The following RBFOX1 variants were observed in gnomAD, a reference collection of about 807,000 sequenced individuals.
RBFOX1 encodes RNA binding protein fox-1 homolog 1.
In RBFOX1, 8 loss-of-function variants were observed where a neutral mutation model predicts 57.7. The observed-to-expected ratio is 0.14, with a 90% CI of 0.08 to 0.25. The LOEUF (loss-of-function observed/expected upper bound fraction) is 0.25. RBFOX1 is among the 10% of genes least tolerant of loss of function. The pLI, the probability that RBFOX1 is intolerant of heterozygous loss-of-function variation, is 1.00. For synonymous variants in RBFOX1, 326 were observed against 222.4 expected (o/e 1.47, Z -4.15); for missense variants, 611 against 548.5 (o/e 1.11, Z -1.14).
chr16:6,798,668 AT>A (rs2084662212), intron 3 of RBFOX1, among the ~76,000 whole-genome samples: 1 of 152,190 alleles, frequency 6.6e-6, no homozygotes, highest in African/African-American at 2.4e-5. Context: ...TTTGGCTTTA[AT>A]TTTGTGCTTT....
intron 4 of RBFOX1, among the ~76,000 whole-genome samples, chr16:7,283,562 C>A (rs1211596580): frequency 6.6e-6 from 1 of 152,068 alleles, no homozygotes; most frequent in Non-Finnish European, 1.5e-5. Context: ...ACACCCTTGA[C>A]ATTCTGTATC....
chr16:7,687,617 TAAC>T (rs141242502), intron 14 of RBFOX1, among the ~76,000 whole-genome samples: 2,308 of 152,126 alleles, frequency 0.015, 44 homozygotes, highest in African/African-American at 0.052. Context: ...CTAGCAATTT[TAAC>T]AACAAGAATA....
chr16:7,519,785 T>G, intron 5 of RBFOX1: 2 of 893,494 alleles, frequency 2.2e-6, no homozygotes, highest in South Asian at 1.0e-4. Flanking sequence ...GTTTATGGCT[T>G]TGAAGCATGA....
chr16:7,218,651 T>C (rs34203803), intron 4 of RBFOX1, among the ~76,000 whole-genome samples: 62 of 85,116 alleles, frequency 7.3e-4, no homozygotes, highest in East Asian at 1.3e-3. Context: ...TGTGTGTGTG[T>C]GTGTGTGTGT....
chr16:5,424,048 C>G (rs942609347), intron 1 of RBFOX1, among the ~76,000 whole-genome samples: 2 of 152,306 alleles, frequency 1.3e-5, no homozygotes, highest in South Asian at 2.1e-4. Context: ...CTAGGGACCC[C>G]TCGTGTTTCC....
Position 7,391,225 on chromosome 16 carries a change from G to A in RBFOX1, c.28-126922G>A, listed in dbSNP as rs1389243983. On this transcript the variant is annotated intron_variant, in intron 4 of 15. Transcript: ENST00000550418. ...TCCCACCTTGGTGTTAATCCCATGG[G>A]GTGGATTTTCTAGGCCAGTCTCTTT... 2.0e-5 allele frequency among the ~76,000 whole-genome samples: 3 copies of A among 152,122 alleles called. No individual in the cohort carries two copies. In the South Asian group the frequency reaches 6.2e-4, roughly 32 times the overall value.
intron 4 of RBFOX1, among the ~76,000 whole-genome samples, chr16:7,397,916 G>T (rs1201313936): frequency 6.6e-6 from 1 of 151,640 alleles, no homozygotes; most frequent in South Asian, 2.1e-4. Flanking sequence ...GATTTTTTAG[G>T]CCCTACTTGG....
intron 4 of RBFOX1, among the ~76,000 whole-genome samples, chr16:7,440,814 C>T (rs1327073672): frequency 6.6e-6 from 1 of 152,092 alleles, no homozygotes; most frequent in Non-Finnish European, 1.5e-5. Context: ...ATTTAGCAGC[C>T]CTCAAGGGGG....
chr16:6,365,147 A>G (rs1039552869), intron 2 of RBFOX1, among the ~76,000 whole-genome samples: 2 of 152,218 alleles, frequency 1.3e-5, no homozygotes, highest in Admixed American at 6.5e-5. Context: ...TGGGAGTGCT[A>G]TCAGAATAGC....
chr16:6,049,412 C>G (rs1405715296), intron 1 of RBFOX1, among the ~76,000 whole-genome samples: 1 of 152,094 alleles, frequency 6.6e-6, no homozygotes, highest in Non-Finnish European at 1.5e-5. Context: ...TTGAATCACC[C>G]AGATTAAATA....
At position 7,124,105 on chromosome 16, in the gene RBFOX1, A is replaced by T. The variant is rs564580152; in HGVS notation, c.27+72007A>T. ...CAAATGCCCAGTGTTTTATACTTTT[A>T]CCAAGTCTCAGGAGAGTTTTCAACG... is the stretch of plus-strand genomic sequence containing the variant. On this transcript the variant is annotated intron_variant, in intron 4 of 15. Coordinates refer to ENST00000550418, the MANE Select transcript of RBFOX1 (RefSeq NM_018723.4). 1.8e-3 allele frequency among the ~76,000 whole-genome samples: 280 copies of T among 152,326 alleles called. 2 individuals carry two copies. The highest frequency in any genetic ancestry group is 6.5e-3 in the African/African-American group (269 of 41,576).
intron 3 of RBFOX1, among the ~76,000 whole-genome samples, chr16:7,042,485 A>G (rs1018607116): frequency 6.6e-6 from 1 of 152,234 alleles, no homozygotes; most frequent in African/African-American, 2.4e-5. Context: ...GCTAAAATCA[A>G]ATCAGCTAAT....
intron 4 of RBFOX1, among the ~76,000 whole-genome samples, chr16:7,508,494 C>A (rs928184080): frequency 6.6e-6 from 1 of 152,046 alleles, no homozygotes; most frequent in East Asian, 1.9e-4. Context: ...GGCCTCTTGT[C>A]CTCTGTGTTT....
intron 4 of RBFOX1, among the ~76,000 whole-genome samples, chr16:7,413,834 C>G (rs1275643647): frequency 1.3e-5 from 2 of 152,114 alleles, no homozygotes; most frequent in Non-Finnish European, 2.9e-5. Context: ...AACTTGGTTT[C>G]TACCCTATAA....
chr16:6,826,437 TA>T (rs1478584645), intron 3 of RBFOX1, among the ~76,000 whole-genome samples: 3 of 151,978 alleles, frequency 2.0e-5, no homozygotes, highest in Non-Finnish European at 4.4e-5. Flanking sequence ...AGCACTCAAG[TA>T]ATTCCCATGG....
chr16:6,757,964 C>T (rs911795140), intron 3 of RBFOX1, among the ~76,000 whole-genome samples: 1 of 152,054 alleles, frequency 6.6e-6, no homozygotes, highest in Non-Finnish European at 1.5e-5. Context: ...ACAACAACAT[C>T]CAGGTTTTGT....
In RBFOX1 at chr16:5,999,903, AAAAAGAG is replaced by A. The variant is rs2060564147; in HGVS notation, c.351+132569_351+132575del. ...AAAAAAAAAAAAAAAAAAAAAAAAA[AAAAAGAG>A]TGAAGAAGGGAAATCAGACAAGGAA... On this transcript the variant is annotated intron_variant, in intron 4 of 19. Coordinates refer to the RBFOX1 transcript ENST00000641259. 4.9e-4 allele frequency among the ~76,000 whole-genome samples: 18 copies of A among 36,652 alleles called. 7 individuals are homozygous for A. In the East Asian group the frequency reaches 6.7e-3, roughly 14 times the overall value. 24.0% of individuals were successfully genotyped at this position (36,652 alleles called of 152,430 possible). A position where few individuals can be genotyped will look rare whatever the true frequency, so the allele number is the denominator to read the frequency against.
intron 3 of RBFOX1, among the ~76,000 whole-genome samples, chr16:6,844,073 A>C: frequency 6.8e-6 from 1 of 147,206 alleles, no homozygotes. Flanking sequence ...CTCTCTCCCC[A>C]CCCCCAAATC....
chr16:5,286,731 C>G (rs4110171), intron 1 of RBFOX1, among the ~76,000 whole-genome samples: 1 of 151,994 alleles, frequency 6.6e-6, no homozygotes, highest in South Asian at 2.1e-4. Context: ...AAGAGGCAAA[C>G]GGTAATATTT....
Sources: gnomAD v4.1 joint callset for allele counts (sites outside exome capture counted in the v4.1 genomes callset) on GRCh38, gnomAD v4.1.1 for gene constraint, MANE v1.5 for transcripts, NCBI Gene and HGNC (gene_info 2026-07-23, HGNC 2026-07-21) for gene names.